The following ARMC2 variants were observed in gnomAD, a reference collection of about 807,000 sequenced individuals.
The protein encoded by ARMC2 is armadillo repeat containing 2.
A neutral mutation model predicts 90.3 loss-of-function variants in ARMC2; 67 were observed. The observed-to-expected ratio is 0.74, with a 90% confidence interval of 0.61 to 0.91. The LOEUF (loss-of-function observed/expected upper bound fraction) is 0.91. Ranked by LOEUF, ARMC2 falls within the 40% of genes least tolerant of loss-of-function variation. The probability of loss-of-function intolerance (pLI) is 0.00; values close to 1 mark genes in which losing one functional copy is unlikely to be tolerated. For missense variants in ARMC2, 920 were observed against 1,030.9 expected, an observed-to-expected ratio of 0.89 and a Z score of 1.47; for synonymous variants, 393 against 393.0, an observed-to-expected ratio of 1.00 and a Z score of 0.00.
At chr6:109,037,436 G>A in the ARMC2 span, among the ~76,000 whole-genome samples, 1 of 152,022 alleles carries the variant, frequency 6.6e-6, no homozygotes, top group African/African-American at 2.4e-5. Flanking sequence ...CTTAATTCAC[G>A]GGGATGATTC....
rs571733277 is a variant in ARMC2, at chr6:108,917,741, G to A, written c.1350+5183G>A. On this transcript the variant is annotated intron_variant, in intron 10 of 17. Coordinates refer to ENST00000392644, the MANE Select transcript of ARMC2 (RefSeq NM_032131.6). ...CGGCCCACTGCAACCTCTGCCTCCTGGGTTCAAGTGATTCTCCTGTCTCTG... is the reference window on the plus strand; with the variant it reads ...CGGCCCACTGCAACCTCTGCCTCCTAGGTTCAAGTGATTCTCCTGTCTCTG... Among the ~76,000 whole-genome samples, 7 of 152,158 alleles carry A rather than the reference G, an allele frequency of 4.6e-5. No individual in the cohort carries two copies. The East Asian group carries it at 7.7e-4, about 17-fold the overall frequency.
the ARMC2 span, among the ~76,000 whole-genome samples, chr6:109,035,334 G>A: frequency 6.6e-6 from 1 of 152,124 alleles, no homozygotes; most frequent in Non-Finnish European, 1.5e-5. Flanking sequence ...GGTATTTTAA[G>A]AAATGTACAT....
chr6:108,920,411 C>T (rs1453851239), intron 10 of ARMC2, among the ~76,000 whole-genome samples: 1 of 152,060 alleles, frequency 6.6e-6, no homozygotes, highest in East Asian at 1.9e-4. Context: ...GGCTTCCTTC[C>T]TATAAAAGAA....
chr6:109,009,245 T>C, the ARMC2 span: 1 of 1,025,270 alleles, frequency 9.8e-7, no homozygotes, highest in South Asian at 2.7e-5. Flanking sequence ...TTTCGGATGC[T>C]GACCGGGAGC....
chr6:108,995,856 A>C, the ARMC2 span, among the ~76,000 whole-genome samples: 1 of 152,092 alleles, frequency 6.6e-6, no homozygotes, highest in Non-Finnish European at 1.5e-5. Flanking sequence ...CCCCTTATAA[A>C]TTTATTTTGC....
In ARMC2 at chr6:108,936,938, C is replaced by T; in HGVS notation, c.1535C>T (p.Ala512Val). The stretch of plus-strand genomic sequence containing the variant: ...TACCGTGACTGCTGCACAGCCTTGG[C>T]CAGCTATTCCAGATGTTATGCCTTA... ...TSYRDCCTAL[A>V]SYSRCYALFL... The change falls in exon 12 of 18, where the codon GCC (alanine) becomes GTC (valine). Residue 512 changes from alanine to valine, a missense_variant. Coordinates refer to ENST00000392644, the MANE Select transcript of ARMC2 (RefSeq NM_032131.6). The T allele has an allele frequency of 6.2e-7, 1 of 1,604,326 alleles. No homozygotes were observed.
At chr6:108,863,825 C>T (rs957487112) in intron 3 of ARMC2, among the ~76,000 whole-genome samples, 1 of 152,116 alleles carries the variant, frequency 6.6e-6, no homozygotes, top group Non-Finnish European at 1.5e-5. Context: ...AAAAATAGAT[C>T]ACTGCCAACA....
At chr6:108,881,159 T>G (rs1306498101) in intron 5 of ARMC2, among the ~76,000 whole-genome samples, 1 of 151,798 alleles carries the variant, frequency 6.6e-6, no homozygotes, top group African/African-American at 2.4e-5. Flanking sequence ...TGGCTTGCTT[T>G]CTTTTCTTTT....
the ARMC2 span, chr6:108,987,242 C>T: frequency 3.9e-6 from 1 of 257,788 alleles, no homozygotes; most frequent in Non-Finnish European, 7.3e-6. Context: ...AACATAAAAG[C>T]AACAGGATTT....
chr6:109,041,607 G>T, the ARMC2 span, among the ~76,000 whole-genome samples: 1,162 of 151,808 alleles, frequency 7.7e-3, 22 homozygotes, highest in African/African-American at 0.027. Context: ...GACAAGGAGG[G>T]ACATTATATA....
At chr6:108,875,346 C>T (rs1776829767) in intron 4 of ARMC2, among the ~76,000 whole-genome samples, 1 of 152,080 alleles carries the variant, frequency 6.6e-6, no homozygotes, top group Non-Finnish European at 1.5e-5. Context: ...CCACAATCCA[C>T]CCCTCACCCC....
the ARMC2 span, among the ~76,000 whole-genome samples, chr6:109,030,985 A>T: frequency 6.6e-6 from 1 of 152,236 alleles, no homozygotes; most frequent in Non-Finnish European, 1.5e-5. Flanking sequence ...CTTACAATCC[A>T]GTTGATCATA....
At chr6:108,958,440 A>G (rs957360193) in intron 13 of ARMC2, among the ~76,000 whole-genome samples, 1 of 152,192 alleles carries the variant, frequency 6.6e-6, no homozygotes, top group Non-Finnish European at 1.5e-5. Flanking sequence ...TTTATGATAA[A>G]TGCTTAGGAG....
At chr6:108,921,037 G>A (rs1774510940) in intron 10 of ARMC2, among the ~76,000 whole-genome samples, 1 of 152,192 alleles carries the variant, frequency 6.6e-6, no homozygotes, top group Admixed American at 6.5e-5. Context: ...TCTCTTCACT[G>A]TAGATCTATT....
intron 13 of ARMC2, among the ~76,000 whole-genome samples, chr6:108,958,932 T>C (rs544604842): frequency 1.5e-4 from 23 of 152,342 alleles, no homozygotes; most frequent in African/African-American, 5.3e-4. Context: ...AGCACAGGGT[T>C]CTGGCTCCAG....
intron 8 of ARMC2, among the ~76,000 whole-genome samples, chr6:108,904,880 A>T (rs557956502): frequency 6.6e-6 from 1 of 152,334 alleles, no homozygotes. Context: ...AACCAGTGTG[A>T]AACCGAAATA....
the ARMC2 span, among the ~76,000 whole-genome samples, chr6:109,035,628 T>C: frequency 6.6e-6 from 1 of 152,138 alleles, no homozygotes; most frequent in Non-Finnish European, 1.5e-5. Flanking sequence ...TCTGTCACTT[T>C]TTTTGAGAAG....
At position 108,876,222 on chromosome 6, in the gene ARMC2, A is replaced by G; in HGVS notation, c.543A>G (p.Lys181=). 1 of 1,613,062 alleles carries G rather than the reference A, an allele frequency of 6.2e-7. No individual in the cohort carries two copies. Among genetic ancestry groups the G allele is most frequent in the Non-Finnish European group, 8.5e-7 (1 of 1,179,558 alleles). Reference sequence around the variant, plus strand: ...AAATAAATGGGATTTATTTAACAAAATCAAATGCTATTTGCCACTTAAAGA... The same window carrying G: ...AAATAAATGGGATTTATTTAACAAAGTCAAATGCTATTTGCCACTTAAAGA... The part of the protein sequence containing the change: ...MVKINGIYLT[K]SNAICHLKSH... The change falls in exon 5 of 18, where the codon AAA becomes AAG. Residue 181 remains lysine (K), a synonymous_variant. Coordinates refer to ENST00000392644, the MANE Select transcript of ARMC2 (RefSeq NM_032131.6).
intron 5 of ARMC2, among the ~76,000 whole-genome samples, chr6:108,881,964 A>G (rs1002262941): frequency 5.3e-5 from 8 of 152,102 alleles, no homozygotes; most frequent in Non-Finnish European, 8.8e-5. Flanking sequence ...TTAAAGATAA[A>G]TACTATTAAG....
Sources: allele counts gnomAD v4.1 joint callset (sites outside exome capture counted in the v4.1 genomes callset), GRCh38; gene constraint gnomAD v4.1.1; transcripts MANE v1.5; gene names NCBI Gene and HGNC (gene_info 2026-07-23, HGNC 2026-07-21).